Variants in AUTS2 observed in about 807,000 individuals in gnomAD.
The protein encoded by AUTS2 is autism susceptibility gene 2 protein.
Under a neutral mutation model 112.4 loss-of-function variants are expected in AUTS2, and 17 were observed. That is an observed-to-expected ratio of 0.15 (90% CI 0.10 to 0.23). The LOEUF is 0.23. Ranked by LOEUF, AUTS2 falls within the 10% of genes least tolerant of loss-of-function variation. The pLI is 1.00. For synonymous variants in AUTS2, 751 were observed against 702.7 expected (o/e 1.07, Z -1.09); for missense variants, 1,510 against 1,701.6 (o/e 0.89, Z 1.98).
In AUTS2 at chr7:70,743,162, A is replaced by G. The variant is rs571960217; in HGVS notation, c.743-19708A>G. ...CTGATAATAAGCTTCCCCTTGTTTTATTTTTGTTTCTTTAAGAAATCTGGG... is the reference window on the plus strand; with the variant it reads ...CTGATAATAAGCTTCCCCTTGTTTTGTTTTTGTTTCTTTAAGAAATCTGGG... On this transcript the variant is annotated intron_variant, in intron 6 of 18. Coordinates refer to ENST00000342771, the MANE Select transcript of AUTS2 (RefSeq NM_015570.4). Among the ~76,000 whole-genome samples, 190 of 152,082 alleles carry G rather than the reference A, an allele frequency of 1.2e-3. 1 individual carries two copies. The highest frequency in any genetic ancestry group is 1.8e-3 in the Non-Finnish European group (125 of 67,950).
At chr7:70,288,493 C>G (rs775704002) in intron 4 of AUTS2, among the ~76,000 whole-genome samples, 3 of 152,096 alleles carry the variant, frequency 2.0e-5, no homozygotes, top group Non-Finnish European at 4.4e-5. Flanking sequence ...CTTCATTTAC[C>G]CGCTCTATGC....
At chr7:69,631,970 A>G (rs146996099) in intron 1 of AUTS2, among the ~76,000 whole-genome samples, 77 of 152,230 alleles carry the variant, frequency 5.1e-4, no homozygotes, top group African/African-American at 1.8e-3. Flanking sequence ...TCATGTTTCA[A>G]TGGGGAACAA....
At chr7:70,053,565 G>C (rs1584643766) in intron 2 of AUTS2, among the ~76,000 whole-genome samples, 1 of 94,030 alleles carries the variant, frequency 1.1e-5, no homozygotes, top group African/African-American at 5.6e-5. Flanking sequence ...TTGGAGACAG[G>C]ATCTCACTCT....
At chr7:69,882,150 C>CA (rs57238970) in intron 1 of AUTS2, among the ~76,000 whole-genome samples, 979 of 57,032 alleles carry the variant, frequency 0.017, 39 homozygotes, top group East Asian at 0.037. Flanking sequence ...AACTCTGTCT[C>CA]AAAAAAAAAA....
At chr7:70,002,461 G>T (rs926364988) in intron 2 of AUTS2, among the ~76,000 whole-genome samples, 3 of 152,056 alleles carry the variant, frequency 2.0e-5, no homozygotes, top group Non-Finnish European at 4.4e-5. Context: ...CTAGGATGAA[G>T]ATACAATTTT....
chr7:70,003,166 T>TATATATTATATGAATATATTATATATGA (rs1799280098), intron 2 of AUTS2, among the ~76,000 whole-genome samples: 1 of 137,806 alleles, frequency 7.3e-6, no homozygotes, highest in Non-Finnish European at 1.5e-5. Context: ...TATATATTCA[T>TATATATTATATGAATATATTATATATGA]ATATATTATA....
chr7:70,134,186 G>C (rs185451852), intron 3 of AUTS2, among the ~76,000 whole-genome samples: 13 of 152,258 alleles, frequency 8.5e-5, no homozygotes, highest in Admixed American at 3.3e-4. Flanking sequence ...TTGAATGTCA[G>C]CAAGTCAGGG....
At chr7:70,574,918 A>G (rs1287180921) in intron 5 of AUTS2, among the ~76,000 whole-genome samples, 1 of 152,184 alleles carries the variant, frequency 6.6e-6, no homozygotes, top group Non-Finnish European at 1.5e-5. Context: ...TTAGATCAAG[A>G]TAGGACAGAG....
At chr7:70,734,195 T>C (rs112184320) in intron 6 of AUTS2, among the ~76,000 whole-genome samples, 157 of 152,038 alleles carry the variant, frequency 1.0e-3, no homozygotes, top group African/African-American at 3.7e-3. Context: ...ATCCCAGCAC[T>C]TTGGGAGGCC....
chr7:69,715,867 G>A lies in AUTS2; in HGVS notation c.309+115905G>A, dbSNP rs572258251. Among the ~76,000 whole-genome samples, 330 of 152,294 alleles carry A rather than the reference G, an allele frequency of 2.2e-3. 1 individual carries two copies. Among genetic ancestry groups the A allele is most frequent in the Non-Finnish European group, 2.6e-3 (174 of 68,028 alleles). On this transcript the variant is annotated intron_variant, in intron 1 of 18. Coordinates refer to ENST00000342771, the MANE Select transcript of AUTS2 (RefSeq NM_015570.4). ...AACAACCTTGTAAGGTATAGGTACC[G>A]TAATTATTTCATTTTGTGAATGAGC...
intron 4 of AUTS2, among the ~76,000 whole-genome samples, chr7:70,316,472 C>T (rs900716480): frequency 6.8e-6 from 1 of 145,994 alleles, no homozygotes; most frequent in East Asian, 2.0e-4. Context: ...GGCATGATCT[C>T]AGCTCACTGC....
chr7:70,745,677 A>G (rs1174527309), intron 6 of AUTS2, among the ~76,000 whole-genome samples: 1 of 152,172 alleles, frequency 6.6e-6, no homozygotes, highest in Non-Finnish European at 1.5e-5. Flanking sequence ...CGCCTTTAAC[A>G]TTATTTGCTT....
chr7:70,105,180 T>C (rs890562036), intron 2 of AUTS2, among the ~76,000 whole-genome samples: 1 of 152,354 alleles, frequency 6.6e-6, no homozygotes, highest in Admixed American at 6.5e-5. Flanking sequence ...AGTTTATTTG[T>C]CTGTAAATTG....
intron 4 of AUTS2, among the ~76,000 whole-genome samples, chr7:70,352,957 C>T (rs1562901794): frequency 6.6e-6 from 1 of 152,174 alleles, no homozygotes. Context: ...ACAGCATCTG[C>T]AGAGGCTCTG....
intron 2 of AUTS2, among the ~76,000 whole-genome samples, chr7:70,076,429 C>A (rs1364101585): frequency 6.6e-6 from 1 of 152,118 alleles, no homozygotes; most frequent in Non-Finnish European, 1.5e-5. Flanking sequence ...AGACGTTATC[C>A]AAGGATGTAA....
intron 1 of AUTS2, among the ~76,000 whole-genome samples, chr7:69,873,274 G>A (rs1793584570): frequency 6.6e-6 from 1 of 152,086 alleles, no homozygotes; most frequent in South Asian, 2.1e-4. Context: ...TTGACTTTAG[G>A]TTGCTGTGGT....
chr7:70,698,762 T>C, intron 6 of AUTS2, 142 bp downstream of exon 6: 1 of 648,248 alleles, frequency 1.5e-6, no homozygotes, highest in Non-Finnish European at 2.5e-6. Context: ...TTGCTTGAGA[T>C]GGAAGTCTGC....
At chr7:69,697,330 C>T (rs17140826) in intron 1 of AUTS2, among the ~76,000 whole-genome samples, 1,813 of 152,332 alleles carry the variant, frequency 0.012, 14 homozygotes, top group Non-Finnish European at 0.021. Flanking sequence ...TCTAAGTAGA[C>T]ATCCACCAAA....
chr7:70,376,093 T>A (rs1793073179), intron 4 of AUTS2, among the ~76,000 whole-genome samples: 2 of 151,684 alleles, frequency 1.3e-5, no homozygotes, highest in African/African-American at 4.8e-5. Context: ...TCTTCCCAGA[T>A]GGCCAAAGGG....
Sources: allele counts gnomAD v4.1 joint callset (sites outside exome capture counted in the v4.1 genomes callset), GRCh38; gene constraint gnomAD v4.1.1; transcripts MANE v1.5; gene names NCBI Gene and HGNC (gene_info 2026-07-23, HGNC 2026-07-21).